DISP2: variants seen among roughly 807,000 people sequenced by gnomAD.
DISP2 encodes the protein protein dispatched homolog 2.
DISP2 carries 59 observed loss-of-function variants against 95.5 expected under a neutral mutation model. The observed-to-expected ratio is 0.62, with a 90% CI of 0.50 to 0.77. The LOEUF (loss-of-function observed/expected upper bound fraction) is 0.77, where lower values mean the gene tolerates loss of function less well. Among genes scored for constraint, DISP2 ranks in the 30% least tolerant of loss-of-function variants. The pLI, the probability that DISP2 is intolerant of heterozygous loss-of-function variation, is 0.00. For synonymous variants in DISP2, 827 were observed against 815.0 expected (o/e 1.01, Z -0.25); for missense variants, 1,752 against 1,854.6 (o/e 0.94, Z 1.02).
At position 40,367,473 on chromosome 15, in the gene DISP2, A is replaced by C; in HGVS notation, c.1361A>C (p.Asp454Ala). Residue 454 changes from aspartate (D) to alanine (A), a missense_variant, in exon 8 of 8, where the codon GAC (aspartate) becomes GCC (alanine). Physicochemically the swap from Asp to Ala is moderately radical, Grantham distance 126. This residue lies in a region of DISP2 where 732 missense variants were observed against 714.6 expected (regional missense o/e 1.02). Transcript: ENST00000267889. ...GCTTCCCTCATGGACATCTACCTGG[A>C]CCGGCTGGCCACCCCCTGGGGGCTT... is the stretch of plus-strand genomic sequence containing the variant. ...KGASLMDIYL[D>A]RLATPWGLAD... 6.2e-7 allele frequency: 1 copy of C among 1,613,628 alleles called. No individual in the cohort carries two copies. Among genetic ancestry groups the C allele is most frequent in the African/African-American group, 1.3e-5 (1 of 74,886 alleles).
At chr15:40,365,598 T>C (rs781719503) in intron 6 of DISP2, 30 bp from the exon 7 acceptor site, 1 of 1,609,948 alleles carries the variant, frequency 6.2e-7, no homozygotes, top group South Asian at 1.1e-5. Flanking sequence ...GCCAAAGGAC[T>C]GAGCTCCAGG....
Position 40,368,979 on chromosome 15 carries a change from T to A in DISP2, c.2867T>A (p.Leu956Gln). 6.2e-7 allele frequency: 1 copy of A among 1,614,026 alleles called. No individual in the cohort carries two copies. ...WFTSRLELYS[L>Q]QHSLSTEPAV... ...ACTAGCCGTCTAGAGCTGTATAGCC[T>A]GCAGCACAGCCTGAGCACTGAGCCT... is the stretch of plus-strand genomic sequence containing the variant. The change falls in exon 8 of 8, where the codon CTG becomes CAG. Residue 956 changes from leucine to glutamine, a missense_variant. Transcript: ENST00000267889.
rs1338923547 is a variant in DISP2 at position 40,367,932 on chromosome 15, G to A, written c.1820G>A (p.Ser607Asn). ...GLTTSAAFYA[S>N]YLSRLPAVRC... ...ACCACGAGCGCGGCCTTCTATGCCAGCTACCTGAGCCGCCTGCCGGCCGTT... is the reference window on the plus strand; with the variant it reads ...ACCACGAGCGCGGCCTTCTATGCCAACTACCTGAGCCGCCTGCCGGCCGTT... Residue 607 changes from serine (S) to asparagine (N), a missense_variant, in exon 8 of 8, where the codon AGC (serine) becomes AAC (asparagine). Around this residue, in one of 5 missense-constraint regions of DISP2, gnomAD observed 732 missense variants for 714.6 expected, o/e 1.02. Coordinates refer to ENST00000267889, the MANE Select transcript of DISP2 (RefSeq NM_033510.3). 4 of 1,591,626 alleles carry A rather than the reference G, an allele frequency of 2.5e-6. No individual in the cohort carries two copies. The South Asian group carries it at 4.5e-5, about 18-fold the overall frequency.
rs1889752535 is a variant in DISP2, at chr15:40,377,972, A to T, written c.*7654A>T. On this transcript the variant is annotated 3_prime_UTR_variant, in exon 8 of 8. Coordinates refer to ENST00000267889, the MANE Select transcript of DISP2 (RefSeq NM_033510.3). ...CTGGAACCTACCTAACAAATCTCAA[A>T]AGCAAGACCTGAATTCAGGAATCAA... The T allele has an allele frequency of 6.6e-6, 1 of 152,230 alleles. No individual in the cohort carries two copies. Among genetic ancestry groups the T allele is most frequent in the Non-Finnish European group, 1.5e-5 (1 of 68,042 alleles). The allele number at this position is 152,230 out of a possible 1,614,324, so 9.4% of individuals were successfully genotyped here. A position where few individuals can be genotyped will look rare whatever the true frequency, so the allele number is the denominator to read the frequency against.
In DISP2 at chr15:40,370,330, G is replaced by A. The variant is rs1889621303; in HGVS notation, c.*12G>A. The stretch of plus-strand genomic sequence containing the variant: ...GCTATAGCAGCTGAGGGGGACCCGG[G>A]GAGGCTGGACAGGGCGCGGAACCCT... On this transcript the variant is annotated 3_prime_UTR_variant, in exon 8 of 8. Coordinates refer to ENST00000267889, the MANE Select transcript of DISP2 (RefSeq NM_033510.3). The A allele has an allele frequency of 6.6e-7, 1 of 1,520,446 alleles. No individual in the cohort carries two copies. The highest frequency in any genetic ancestry group is 8.8e-7 in the Non-Finnish European group (1 of 1,134,676). The allele number at this position is 1,520,446 out of a possible 1,614,324, so 94.2% of individuals were successfully genotyped here.
intron 7 of DISP2, among the ~76,000 whole-genome samples, chr15:40,366,803 C>G (rs1595727058): frequency 6.6e-6 from 1 of 152,316 alleles, no homozygotes; most frequent in Non-Finnish European, 1.5e-5. Flanking sequence ...GGGGCCCTTA[C>G]AGCAGGGTCT....
In DISP2 at chr15:40,369,440, C is replaced by T; in HGVS notation, c.3328C>T (p.Leu1110Phe). ...CGFASFFFQS[L>F]CCFFGPEKNC... ...CTTTGCCAGCTTCTTCTTCCAATCT[C>T]TCTGCTGTTTCTTCGGGCCAGAGAA... The change falls in exon 8 of 8, where the codon CTC becomes TTC. Residue 1110 changes from leucine to phenylalanine, a missense_variant. Transcript: ENST00000267889. The T allele has an allele frequency of 6.2e-7, 1 of 1,613,460 alleles. No individual in the cohort carries two copies. The highest frequency in any genetic ancestry group is 8.5e-7 in the Non-Finnish European group (1 of 1,180,032).
Position 40,364,877 on chromosome 15 carries a change from G to T in DISP2, c.643G>T (p.Val215Leu). 1 of 1,614,154 alleles carries T rather than the reference G, an allele frequency of 6.2e-7. No homozygotes were observed. The highest frequency in any genetic ancestry group is 8.5e-7 in the Non-Finnish European group (1 of 1,179,994). ...GGACACAGACATTGGGAGCAAGTTAGTGGTCTGGAGAGCACTACAAGCCCT... is the reference window on the plus strand; with the variant it reads ...GGACACAGACATTGGGAGCAAGTTATTGGTCTGGAGAGCACTACAAGCCCT... ...PRDTDIGSKL[V>L]VWRALQALTG... Residue 215 changes from valine to leucine, a missense_variant, in exon 5 of 8, where the codon GTG becomes TTG. Physicochemically the swap from Val to Leu is conservative, Grantham distance 32. Transcript: ENST00000267889.
intron 1 of DISP2, among the ~76,000 whole-genome samples, chr15:40,359,901 C>T (rs1889380005): frequency 6.6e-6 from 1 of 152,230 alleles, no homozygotes; most frequent in Non-Finnish European, 1.5e-5. Flanking sequence ...ATAGTTCACA[C>T]TTTGTGTTTT....
Position 40,368,200 on chromosome 15 carries a change from C to G in DISP2, c.2088C>G (p.Pro696=). Residue 696 remains proline, a synonymous_variant, in exon 8 of 8, where the codon CCC becomes CCG. Coordinates refer to ENST00000267889, the MANE Select transcript of DISP2 (RefSeq NM_033510.3). ...TSRLLFQRLL[P]CGVIKFRYIW... is the part of the protein sequence containing the mutation. ...GTCTGCTCTTCCAGCGCCTGCTGCC[C>G]TGCGGCGTCATCAAGTTCCGCTACA... 6.2e-7 allele frequency: 1 copy of G among 1,608,120 alleles called. No individual in the cohort carries two copies.
Position 40,367,975 on chromosome 15 carries a change from C to G in DISP2, c.1863C>G (p.Phe621Leu), listed in dbSNP as rs1167066381. The G allele has an allele frequency of 1.3e-6, 2 of 1,561,494 alleles. No homozygotes were observed. The highest frequency in any genetic ancestry group is 1.7e-6 in the Non-Finnish European group (2 of 1,161,486). The change falls in exon 8 of 8, where the codon TTC (phenylalanine) becomes TTG (leucine). Residue 621 changes from phenylalanine to leucine, a missense_variant. Coordinates refer to ENST00000267889, the MANE Select transcript of DISP2 (RefSeq NM_033510.3). Reference protein sequence around the residue: ...RLPAVRCLALFMGTAVLVHLA... With the variant: ...RLPAVRCLALLMGTAVLVHLA... ...CGGCCGTTCGCTGCCTCGCCCTCTT[C>G]ATGGGCACGGCTGTGCTGGTGCACC... is the stretch of plus-strand genomic sequence containing the variant.
rs763593054 is a variant in DISP2 at position 40,370,185 on chromosome 15, A to C, written c.4073A>C (p.His1358Pro). The C allele has an allele frequency of 4.3e-6, 7 of 1,612,106 alleles. No homozygotes were observed. Among genetic ancestry groups the C allele is most frequent in the Non-Finnish European group, 5.9e-6 (7 of 1,179,346 alleles). ...GACCCATCATTGCCCGCTTCCCATCACAGCAGCTTGTCCTGGAAGGGCCGA... is the reference window on the plus strand; with the variant it reads ...GACCCATCATTGCCCGCTTCCCATCCCAGCAGCTTGTCCTGGAAGGGCCGA... ...VYDPSLPASH[H>P]SSLSWKGRGG... The change falls in exon 8 of 8, where the codon CAC becomes CCC. Residue 1358 changes from histidine to proline, a missense_variant. Physicochemically the swap from His to Pro is moderately conservative, Grantham distance 77. Transcript: ENST00000267889.
In DISP2 at chr15:40,374,528, A is replaced by G. The variant is rs1889701862; in HGVS notation, c.*4210A>G. On this transcript the variant is annotated 3_prime_UTR_variant, in exon 8 of 8. Coordinates refer to ENST00000267889, the MANE Select transcript of DISP2 (RefSeq NM_033510.3). ...TGTCCTTCTCCCAGTGCATGTCAGG[A>G]CAGGGAAGAAGGCTTTAAATCAGAT... is the stretch of plus-strand genomic sequence containing the variant. 7.0e-6 allele frequency: 1 copy of G among 142,008 alleles called. No individual in the cohort carries two copies. The highest frequency in any genetic ancestry group is 2.8e-4 in the East Asian group (1 of 3,516). 8.8% of individuals were successfully genotyped at this position (142,008 alleles called of 1,614,324 possible).
Position 40,378,215 on chromosome 15 carries a change from AATT to A in DISP2, c.*7903_*7905del, listed in dbSNP as rs1337468778. ...GAGAATTAGACAAGGACACTAAAAG[AATT>A]ATTATAACTGTATTCCATATGTACT... is the stretch of plus-strand genomic sequence containing the variant. On this transcript the variant is annotated 3_prime_UTR_variant, in exon 8 of 8. Coordinates refer to ENST00000267889, the MANE Select transcript of DISP2 (RefSeq NM_033510.3). The A allele has an allele frequency of 6.6e-6, 1 of 152,222 alleles. No homozygotes were observed. Among genetic ancestry groups the A allele is most frequent in the Non-Finnish European group, 1.5e-5 (1 of 68,034 alleles). The allele number at this position is 152,222 out of a possible 1,614,324, so 9.4% of individuals were successfully genotyped here.
At position 40,373,060 on chromosome 15, in the gene DISP2, C is replaced by T. The variant is rs1172214886; in HGVS notation, c.*2742C>T. 2 of 152,210 alleles carry T rather than the reference C, an allele frequency of 1.3e-5. No individual in the cohort carries two copies. The highest frequency in any genetic ancestry group is 2.9e-5 in the Non-Finnish European group (2 of 68,050). 9.4% of individuals were successfully genotyped at this position (152,210 alleles called of 1,614,324 possible). On this transcript the variant is annotated 3_prime_UTR_variant, in exon 8 of 8. Transcript: ENST00000267889. The stretch of plus-strand genomic sequence containing the variant: ...GCCCAAACCAACAGCAGGCAATCCA[C>T]ATCAGCAGGAAATCCAGCCTGCCTC...
rs973515715 is a variant in DISP2, at chr15:40,373,592, T to C, written c.*3274T>C. On this transcript the variant is annotated 3_prime_UTR_variant, in exon 8 of 8. Transcript: ENST00000267889. ...GGTGGGGGATGCCTGTAGTCCTAGC[T>C]ACCCAGGAGGCTGAGGCAGGAAAAT... 1 of 152,022 alleles carries C rather than the reference T, an allele frequency of 6.6e-6. No homozygotes were observed. Among genetic ancestry groups the C allele is most frequent in the East Asian group, 1.9e-4 (1 of 5,198 alleles). 9.4% of individuals were successfully genotyped at this position (152,022 alleles called of 1,614,324 possible).
In DISP2 at chr15:40,375,573, C is replaced by A. The variant is rs1364737073; in HGVS notation, c.*5255C>A. The A allele has an allele frequency of 6.6e-6, 1 of 151,808 alleles. No individual in the cohort carries two copies. Among genetic ancestry groups the A allele is most frequent in the African/African-American group, 2.4e-5 (1 of 41,266 alleles). The allele number at this position is 151,808 out of a possible 1,614,324, so 9.4% of individuals were successfully genotyped here. ...AAATTCTTCATGAAGAAAACTGAAGCCTTCAAATAGAAATTTCCTCACCTT... is the reference window on the plus strand; with the variant it reads ...AAATTCTTCATGAAGAAAACTGAAGACTTCAAATAGAAATTTCCTCACCTT... On this transcript the variant is annotated 3_prime_UTR_variant, in exon 8 of 8. Coordinates refer to ENST00000267889, the MANE Select transcript of DISP2 (RefSeq NM_033510.3).
In DISP2 at chr15:40,364,464, CT is replaced by C; in HGVS notation, c.524del (p.Leu175ArgfsTer40). On this transcript the variant is annotated frameshift_variant, in exon 4 of 8. Coordinates refer to ENST00000267889, the MANE Select transcript of DISP2 (RefSeq NM_033510.3). LOFTEE classifies it high-confidence loss of function. ...TGAGTGGCCAGTGGCCGTGCTGATG[CT>C]GTGTCTGGCTGTCATCTTCCTCTGC... ...IAEWPVAVLM[L>X]CLAVIFLCTL... 6.2e-7 allele frequency: 1 copy of C among 1,614,046 alleles called. No individual in the cohort carries two copies. Among genetic ancestry groups the C allele is most frequent in the South Asian group, 1.1e-5 (1 of 91,090 alleles).
chr15:40,363,909 G>A lies in DISP2; in HGVS notation c.404G>A (p.Gly135Glu). The A allele has an allele frequency of 1.3e-6, 2 of 1,558,760 alleles. No homozygotes were observed. ...TCTCCAGCCCCCTCACAGCGCGATG[G>A]GACCTGGAAGCCACCCGCTGTGCAG... is the stretch of plus-strand genomic sequence containing the variant. ...SPSPAPSQRD[G>E]TWKPPAVQHH... The change falls in exon 2 of 8, where the codon GGG becomes GAG. Residue 135 changes from glycine to glutamate, a missense_variant. Physicochemically the swap from Gly to Glu is moderately conservative, Grantham distance 98. Transcript: ENST00000267889.
Sources: allele counts gnomAD v4.1 joint callset (sites outside exome capture counted in the v4.1 genomes callset), GRCh38; gene constraint gnomAD v4.1.1; regional missense constraint gnomAD v4.1.1; transcripts MANE v1.5; gene names NCBI Gene and HGNC (gene_info 2026-07-23, HGNC 2026-07-21).